Variants in SAMD4A observed in about 807,000 individuals in gnomAD.
SAMD4A encodes sterile alpha motif domain containing 4A.
A neutral mutation model predicts 81.3 loss-of-function variants in SAMD4A; 33 were observed. The ratio of observed to expected loss-of-function variants is 0.41; its 90% CI spans 0.31 to 0.54. The LOEUF is 0.54. SAMD4A is among the 20% of genes least tolerant of loss of function. The probability of loss-of-function intolerance (pLI) is 0.37; values close to 1 mark genes in which losing one functional copy is unlikely to be tolerated. For synonymous variants in SAMD4A, 389 were observed against 382.1 expected (o/e 1.02, Z -0.21); for missense variants, 854 against 951.1 (o/e 0.90, Z 1.34).
chr14:54,707,345 C>T lies in SAMD4A; in HGVS notation c.715+4765C>T, dbSNP rs557186750. On this transcript the variant is annotated intron_variant, in intron 3 of 12. Transcript: ENST00000554335. The stretch of plus-strand genomic sequence containing the variant: ...TCTCAAACTCCTGGGCTCAAATAAT[C>T]CTCCTGCGTAAGCCTCCCAAAGTGC... Among the ~76,000 whole-genome samples, 60 of 152,168 alleles carry T rather than the reference C, an allele frequency of 3.9e-4. 1 individual carries two copies. In the South Asian group the frequency reaches 6.4e-3, roughly 16 times the overall value.
intron 2 of SAMD4A, among the ~76,000 whole-genome samples, chr14:54,664,217 A>C (rs1432344950): frequency 2.0e-5 from 3 of 152,156 alleles, no homozygotes; most frequent in African/African-American, 7.2e-5. Flanking sequence ...CCTGAAAATC[A>C]TAGCAAATTT....
intron 3 of SAMD4A, among the ~76,000 whole-genome samples, chr14:54,730,052 T>C (rs950554168): frequency 6.6e-6 from 1 of 152,190 alleles, no homozygotes; most frequent in Admixed American, 6.5e-5. Context: ...AGTGCAATAA[T>C]AAAAGTCTGC....
At chr14:54,687,398 G>A (rs1215162157) in intron 2 of SAMD4A, 10 of 456,254 alleles carry the variant, frequency 2.2e-5, no homozygotes, top group Admixed American at 2.1e-4. Flanking sequence ...ATCAAAGTTG[G>A]CATTCTTGGT....
chr14:54,630,233 A>T (rs1371026224), intron 2 of SAMD4A, among the ~76,000 whole-genome samples: 1 of 152,146 alleles, frequency 6.6e-6, no homozygotes, highest in Admixed American at 6.5e-5. Flanking sequence ...TTCTATTTTT[A>T]ATATTTTGAG....
chr14:54,604,582 T>C (rs6572963), intron 2 of SAMD4A, among the ~76,000 whole-genome samples: 60,787 of 152,088 alleles, frequency 0.4, 12,429 homozygotes, highest in Middle Eastern at 0.47. Context: ...AAAACCATTA[T>C]ATTAGATGAT....
In SAMD4A at chr14:54,602,323, TACACACACACACACACAC is replaced by T. The variant is rs3049830; in HGVS notation, c.196+34246_196+34263del. ...CCATTGCTAGAGGACTGCTTTAAAA[TACACACACACACACACAC>T]ACACACACACACACACACACACACA... On this transcript the variant is annotated intron_variant, in intron 2 of 12. Transcript: ENST00000554335. Among the ~76,000 whole-genome samples the T allele has an allele frequency of 9.4e-3, 1,290 of 136,634 alleles. 6 individuals are homozygous for T. The highest frequency in any genetic ancestry group is 0.015 in the Non-Finnish European group (980 of 63,380). 89.6% of individuals were successfully genotyped at this position (136,634 alleles called of 152,430 possible).
chr14:54,780,857 A>G (rs1566637645), intron 11 of SAMD4A, among the ~76,000 whole-genome samples: 2 of 151,884 alleles, frequency 1.3e-5, no homozygotes, highest in East Asian at 1.9e-4. Flanking sequence ...GATGCTATTC[A>G]TTACTCCTGC....
chr14:54,633,626 G>A (rs925728070), intron 2 of SAMD4A, among the ~76,000 whole-genome samples: 1 of 152,018 alleles, frequency 6.6e-6, no homozygotes, highest in African/African-American at 2.4e-5. Context: ...TGCTGGTTTT[G>A]CTGACAGATA....
At chr14:54,719,365 G>A (rs934741675) in intron 3 of SAMD4A, among the ~76,000 whole-genome samples, 1 of 152,198 alleles carries the variant, frequency 6.6e-6, no homozygotes, top group Admixed American at 6.5e-5. Flanking sequence ...TGGTGCTGGA[G>A]AAGTTTGCTT....
intron 2 of SAMD4A, among the ~76,000 whole-genome samples, chr14:54,620,288 T>G (rs1309932567): frequency 6.6e-6 from 1 of 152,060 alleles, no homozygotes; most frequent in Non-Finnish European, 1.5e-5. Context: ...TTTTGAGGAT[T>G]AAAAGAAAAA....
At chr14:54,674,403 C>A (rs1345124850) in intron 2 of SAMD4A, among the ~76,000 whole-genome samples, 4 of 152,210 alleles carry the variant, frequency 2.6e-5, no homozygotes, top group Admixed American at 1.3e-4. Flanking sequence ...CTTCGGCATG[C>A]CCAAGAATTT....
intron 2 of SAMD4A, among the ~76,000 whole-genome samples, chr14:54,657,213 T>G (rs1377474798): frequency 6.6e-6 from 1 of 152,230 alleles, no homozygotes; most frequent in Admixed American, 6.5e-5. Context: ...TCCAGGTACC[T>G]TGGCCACTGA....
At chr14:54,585,545 T>A (rs112492162) in intron 2 of SAMD4A, among the ~76,000 whole-genome samples, 2 of 152,282 alleles carry the variant, frequency 1.3e-5, no homozygotes, top group African/African-American at 4.8e-5. Flanking sequence ...ACCCATCACC[T>A]GAGCAGTGCA....
rs554599041 is a variant in SAMD4A at position 54,652,159 on chromosome 14, C to T, written c.197-49903C>T. 3.6e-4 allele frequency among the ~76,000 whole-genome samples: 55 copies of T among 152,288 alleles called. 2 individuals carry two copies. In the South Asian group the frequency reaches 0.011, roughly 30 times the overall value. On this transcript the variant is annotated intron_variant, in intron 2 of 12. Transcript: ENST00000554335. ...CCTCACATAACCATCTAGAATTCTC[C>T]CAAAATCTTGTTTCAGTAGCCTGGG...
At chr14:54,643,279 C>G (rs890109484) in intron 2 of SAMD4A, among the ~76,000 whole-genome samples, 13 of 152,254 alleles carry the variant, frequency 8.5e-5, no homozygotes, top group African/African-American at 3.1e-4. Flanking sequence ...ATGGAGCTCA[C>G]TGAGTAGCCT....
intron 2 of SAMD4A, among the ~76,000 whole-genome samples, chr14:54,592,329 A>G (rs1346926087): frequency 6.6e-6 from 1 of 152,206 alleles, no homozygotes; most frequent in Non-Finnish European, 1.5e-5. Context: ...GTCTACAAAC[A>G]CTTTGCATCT....
intron 3 of SAMD4A, among the ~76,000 whole-genome samples, chr14:54,732,235 G>A (rs917494826): frequency 1.6e-4 from 25 of 152,262 alleles, no homozygotes; most frequent in African/African-American, 4.6e-4. Context: ...TAAAAAAGAC[G>A]AAAGGTCTAT....
At chr14:54,692,457 C>T (rs893842428) in intron 2 of SAMD4A, among the ~76,000 whole-genome samples, 7 of 152,172 alleles carry the variant, frequency 4.6e-5, no homozygotes, top group African/African-American at 1.7e-4. Flanking sequence ...AGTTAGGTTA[C>T]GTGGACAATG....
chr14:54,759,867 C>G (rs563833804), intron 6 of SAMD4A, among the ~76,000 whole-genome samples: 1 of 152,186 alleles, frequency 6.6e-6, no homozygotes, highest in African/African-American at 2.4e-5. Flanking sequence ...CAGAAATGCA[C>G]AGAGGAAGGC....
Sources: gnomAD v4.1 joint callset for allele counts (sites outside exome capture counted in the v4.1 genomes callset) on GRCh38, gnomAD v4.1.1 for gene constraint, MANE v1.5 for transcripts, NCBI Gene and HGNC (gene_info 2026-07-23, HGNC 2026-07-21) for gene names.